The following FHIT variants were observed in gnomAD, a reference collection of about 807,000 sequenced individuals.
The protein encoded by FHIT is bis(5'-adenosyl)-triphosphatase.
In FHIT, 19 loss-of-function variants were observed where a neutral mutation model predicts 17.9. That is an observed-to-expected ratio of 1.06 (90% confidence interval 0.74 to 1.56). The LOEUF (loss-of-function observed/expected upper bound fraction) is 1.56, where lower values mean the gene tolerates loss of function less well. Among genes scored for constraint, FHIT ranks in the 40% most tolerant of loss-of-function variants. The pLI, the probability that FHIT is intolerant of heterozygous loss-of-function variation, is 0.00. For missense variants in FHIT, 248 were observed against 189.2 expected (o/e 1.31, Z -1.82); for synonymous variants, 81 against 69.7 (o/e 1.16, Z -0.81).
chr3:61,195,127 GA>G (rs879773156), intron 2 of FHIT, among the ~76,000 whole-genome samples: 4 of 145,268 alleles, frequency 2.8e-5, no homozygotes, highest in Non-Finnish European at 4.6e-5. Flanking sequence ...AGGGAAGAAA[GA>G]AAAAAAAAAG....
intron 3 of FHIT, among the ~76,000 whole-genome samples, chr3:60,958,251 G>GT (rs1189711549): frequency 6.6e-6 from 1 of 151,926 alleles, no homozygotes; most frequent in African/African-American, 2.4e-5. Flanking sequence ...AATATACCTG[G>GT]TATAGAATAA....
chr3:61,238,912 C>G (rs1048823458), intron 1 of FHIT, among the ~76,000 whole-genome samples: 1 of 152,048 alleles, frequency 6.6e-6, no homozygotes, highest in Non-Finnish European at 1.5e-5. Flanking sequence ...GATGTGATAC[C>G]GCATTAGGGG....
intron 3 of FHIT, among the ~76,000 whole-genome samples, chr3:60,880,354 G>C (rs540472390): frequency 6.6e-6 from 1 of 152,204 alleles, no homozygotes; most frequent in Non-Finnish European, 1.5e-5. Flanking sequence ...CACTAGAACA[G>C]TTTTACAAGA....
At chr3:60,589,504 C>A (rs1442986719) in intron 4 of FHIT, among the ~76,000 whole-genome samples, 1 of 152,032 alleles carries the variant, frequency 6.6e-6, no homozygotes, top group East Asian at 1.9e-4. Flanking sequence ...TGTATTTGAC[C>A]AGTTCACTTT....
chr3:59,968,181 T>C (rs916167038), intron 7 of FHIT, among the ~76,000 whole-genome samples: 26 of 152,210 alleles, frequency 1.7e-4, no homozygotes, highest in African/African-American at 4.6e-4. Context: ...AGGCAAACTT[T>C]CTTTAGGCTG....
chr3:61,108,065 G>A (rs2036043708), intron 2 of FHIT, among the ~76,000 whole-genome samples: 1 of 152,192 alleles, frequency 6.6e-6, no homozygotes, highest in Non-Finnish European at 1.5e-5. Flanking sequence ...ATTCTAACAA[G>A]TGTGAGGTGA....
chr3:59,921,458 G>A (rs891377854), intron 8 of FHIT, among the ~76,000 whole-genome samples: 6 of 152,002 alleles, frequency 3.9e-5, no homozygotes, highest in Admixed American at 1.3e-4. Context: ...TCAAAAAGAC[G>A]GCAAATATGA....
rs545399875 is a variant in FHIT, at chr3:60,013,866, C to A, written c.249+141G>T. On this transcript the variant is annotated intron_variant, in intron 6 of 9. Coordinates refer to ENST00000492590, the MANE Select transcript of FHIT (RefSeq NM_002012.4). ...GCCAATGGACAGTAGGGTTGCCCTG[C>A]ATTAGAAATCTCTTTTTTTGGCTGC... The A allele has an allele frequency of 1.7e-4, 138 of 815,238 alleles. No individual in the cohort carries two copies. The African/African-American group carries it at 2.0e-3, about 12-fold the overall frequency. The allele number at this position is 815,238 out of a possible 1,614,324, so 50.5% of individuals were successfully genotyped here.
intron 5 of FHIT, among the ~76,000 whole-genome samples, chr3:60,383,402 C>G (rs1045393365): frequency 7.2e-5 from 11 of 152,052 alleles, no homozygotes; most frequent in Non-Finnish European, 1.6e-4. Flanking sequence ...CCCCAACCCC[C>G]ACCCAGAAAT....
chr3:61,247,359 G>A (rs976944840), intron 1 of FHIT, among the ~76,000 whole-genome samples: 9 of 152,020 alleles, frequency 5.9e-5, no homozygotes, highest in Admixed American at 5.2e-4. Context: ...ACATCCCCAC[G>A]GTCATTGCCC....
At chr3:60,589,293 C>T (rs376863436) in intron 4 of FHIT, among the ~76,000 whole-genome samples, 4 of 152,166 alleles carry the variant, frequency 2.6e-5, no homozygotes, top group South Asian at 2.1e-4. Context: ...GGCCCAACCA[C>T]TTCTTTCTGG....
intron 5 of FHIT, among the ~76,000 whole-genome samples, chr3:60,226,008 A>C (rs1704180878): frequency 6.6e-6 from 1 of 152,124 alleles, no homozygotes; most frequent in Non-Finnish European, 1.5e-5. Flanking sequence ...ACATAATACG[A>C]ATCATGGGAC....
At chr3:61,051,352 T>A (rs955483794) in intron 2 of FHIT, among the ~76,000 whole-genome samples, 1 of 152,040 alleles carries the variant, frequency 6.6e-6, no homozygotes, top group East Asian at 1.9e-4. Context: ...CAGGCTCAGA[T>A]GATCCTTCCA....
chr3:61,032,485 AC>A (rs1425710495), intron 3 of FHIT, among the ~76,000 whole-genome samples: 1 of 152,088 alleles, frequency 6.6e-6, no homozygotes, highest in Non-Finnish European at 1.5e-5. Flanking sequence ...TCCCTCATCC[AC>A]CCACAGAAGT....
intron 3 of FHIT, among the ~76,000 whole-genome samples, chr3:61,016,686 T>C (rs2032126006): frequency 6.6e-6 from 1 of 152,230 alleles, no homozygotes; most frequent in African/African-American, 2.4e-5. Context: ...GCTCCATCAC[T>C]AATGAAACAA....
chr3:60,147,992 A>G (rs1700311984), intron 5 of FHIT, among the ~76,000 whole-genome samples: 1 of 152,194 alleles, frequency 6.6e-6, no homozygotes, highest in African/African-American at 2.4e-5. Context: ...GGGTTTCCTC[A>G]CAGGGGTTTA....
chr3:60,436,387 G>T (rs1429411051), intron 5 of FHIT, among the ~76,000 whole-genome samples: 1 of 152,050 alleles, frequency 6.6e-6, no homozygotes, highest in Non-Finnish European at 1.5e-5. Flanking sequence ...TCAATGATAG[G>T]CATTCAGATT....
At position 60,090,051 on chromosome 3, in the gene FHIT, A is replaced by C. The variant is rs17062159; in HGVS notation, c.104-75899T>G. On this transcript the variant is annotated intron_variant, in intron 5 of 9. Transcript: ENST00000492590. ...TACATATATGAATTCTTAATTCCTA[A>C]TACAAAAAAGTGAGTGTTCCTTCTT... 6.7e-3 allele frequency among the ~76,000 whole-genome samples: 1,022 copies of C among 152,264 alleles called. 9 individuals are homozygous for C. Among genetic ancestry groups the C allele is most frequent in the African/African-American group, 0.024 (977 of 41,562 alleles).
chr3:60,358,338 C>A (rs565748412), intron 5 of FHIT, among the ~76,000 whole-genome samples: 10 of 152,258 alleles, frequency 6.6e-5, no homozygotes, highest in Middle Eastern at 3.4e-3. Flanking sequence ...CTTTCCTTAA[C>A]CTATTGCTAG....
Sources: gnomAD v4.1 joint callset for allele counts (sites outside exome capture counted in the v4.1 genomes callset) on GRCh38, gnomAD v4.1.1 for gene constraint, MANE v1.5 for transcripts, NCBI Gene and HGNC (gene_info 2026-07-23, HGNC 2026-07-21) for gene names.